CHLSN: variants seen among roughly 807,000 people sequenced by gnomAD.
CHLSN encodes protein cholesin.
At chr7:988,366 G>A in the CHLSN span, 2 of 1,612,700 alleles carry the variant, frequency 1.2e-6, no homozygotes, top group Non-Finnish European at 1.7e-6. Flanking sequence ...GCCATTTCCT[G>A]GACGCGAATG....
chr7:1,020,142 T>C, the CHLSN span, among the ~76,000 whole-genome samples: 4 of 142,456 alleles, frequency 2.8e-5, no homozygotes, highest in Non-Finnish European at 6.0e-5. Flanking sequence ...CAGCAGTGCA[T>C]GGATGCGGCA....
At chr7:1,100,330 C>T in the CHLSN span, among the ~76,000 whole-genome samples, 1 of 152,260 alleles carries the variant, frequency 6.6e-6, no homozygotes, top group East Asian at 1.9e-4. Flanking sequence ...AGGCCACTCT[C>T]GCTCTTCAGG....
the CHLSN span, chr7:987,612 G>A: frequency 1.5e-6 from 2 of 1,331,878 alleles, no homozygotes; most frequent in Non-Finnish European, 1.0e-6. Flanking sequence ...GGACGGCTGA[G>A]CGTCTGGTGG....
chr7:1,041,192 T>C, the CHLSN span, among the ~76,000 whole-genome samples: 2 of 150,000 alleles, frequency 1.3e-5, no homozygotes, highest in Admixed American at 6.6e-5. Context: ...AGAATAGGAC[T>C]TGGGCTCCGC....
At chr7:1,020,043 G>A in the CHLSN span, among the ~76,000 whole-genome samples, 5 of 152,174 alleles carry the variant, frequency 3.3e-5, no homozygotes, top group African/African-American at 1.2e-4. Context: ...TGGCCGGCCC[G>A]TCCCCAGCCT....
the CHLSN span, among the ~76,000 whole-genome samples, chr7:1,050,775 CAG>C: frequency 1.3e-5 from 2 of 152,212 alleles, no homozygotes; most frequent in Non-Finnish European, 2.9e-5. Flanking sequence ...GTAGATGACA[CAG>C]AGGCACAGCT....
the CHLSN span, chr7:1,028,511 C>T: frequency 1.0e-5 from 10 of 985,174 alleles, no homozygotes; most frequent in Non-Finnish European, 1.2e-5. Context: ...GGGGGTGGAC[C>T]CTGCTGCAGC....
chr7:1,104,462 C>T, the CHLSN span, among the ~76,000 whole-genome samples: 2 of 152,184 alleles, frequency 1.3e-5, no homozygotes, highest in Admixed American at 6.5e-5. Context: ...CCTGAGAGGC[C>T]GGTGGCTCCA....
the CHLSN span, chr7:1,076,072 T>TGA: frequency 3.3e-5 from 5 of 152,304 alleles, no homozygotes; most frequent in Admixed American, 3.3e-4. Flanking sequence ...TGATTCACAG[T>TGA]GGAGCTCGGA....
the CHLSN span, chr7:1,057,732 G>A: frequency 1.3e-6 from 1 of 775,632 alleles, no homozygotes; most frequent in South Asian, 1.3e-5. Flanking sequence ...GGCAGTGGCA[G>A]GCCTGGTGCT....
At chr7:1,026,460 G>A in the CHLSN span, 3 of 152,204 alleles carry the variant, frequency 2.0e-5, no homozygotes, top group African/African-American at 4.8e-5. Context: ...ACCTGCCTGG[G>A]CTTCACCTGT....
At chr7:1,020,689 CAG>C in the CHLSN span, among the ~76,000 whole-genome samples, 2 of 152,202 alleles carry the variant, frequency 1.3e-5, no homozygotes, top group African/African-American at 4.8e-5. Flanking sequence ...CTGCAGGAAA[CAG>C]AGGCTCCCAT....
At chr7:1,013,125 C>G in the CHLSN span, among the ~76,000 whole-genome samples, 1 of 151,860 alleles carries the variant, frequency 6.6e-6, no homozygotes, top group Non-Finnish European at 1.5e-5. Context: ...CTCTGCTTGG[C>G]CTGCACAGTG....
At chr7:1,016,818 CACA>C in the CHLSN span, among the ~76,000 whole-genome samples, 1 of 105,304 alleles carries the variant, frequency 9.5e-6, no homozygotes, top group African/African-American at 4.8e-5. Flanking sequence ...CACACCAGCG[CACA>C]GCAGCGCACA....
At chr7:1,059,724 G>T in the CHLSN span, among the ~76,000 whole-genome samples, 1 of 140,606 alleles carries the variant, frequency 7.1e-6, no homozygotes, top group Non-Finnish European at 1.5e-5. Flanking sequence ...TTAGCGGGGC[G>T]GGTCTTAGGG....
At chr7:1,090,405 C>T in the CHLSN span, among the ~76,000 whole-genome samples, 2 of 152,170 alleles carry the variant, frequency 1.3e-5, no homozygotes, top group Admixed American at 1.3e-4. Context: ...TCCCCACTGG[C>T]GGCAGAGCCG....
the CHLSN span, among the ~76,000 whole-genome samples, chr7:1,079,011 G>A: frequency 1.8e-5 from 1 of 55,294 alleles, no homozygotes; most frequent in African/African-American, 4.8e-5. Context: ...AAGACTGCTG[G>A]TGAATGGCCG....
chr7:1,023,778 G>C, the CHLSN span, among the ~76,000 whole-genome samples: 1 of 152,166 alleles, frequency 6.6e-6, no homozygotes, highest in Non-Finnish European at 1.5e-5. This position sits in a 1 kb window ranked among gnomAD's most constrained non-coding sequence, Gnocchi z 5.0. Context: ...CTCGGCACAT[G>C]TAGAAGGCAG....
chr7:1,116,481 C>A, the CHLSN span, among the ~76,000 whole-genome samples: 1 of 93,942 alleles, frequency 1.1e-5, no homozygotes. Flanking sequence ...AGTTCTAGGA[C>A]CAGCTTCCAT....
Sources: allele counts gnomAD v4.1 joint callset (sites outside exome capture counted in the v4.1 genomes callset), GRCh38; gene constraint gnomAD v4.1.1; non-coding constraint Gnocchi (gnomAD v3.1); transcripts MANE v1.5; gene names NCBI Gene and HGNC (gene_info 2026-07-23, HGNC 2026-07-21).